The following IRAG2 variants were observed in gnomAD, a reference collection of about 807,000 sequenced individuals.
IRAG2 encodes inositol 1,4,5-triphosphate receptor associated 2.
In IRAG2, 45 loss-of-function variants were observed where a neutral mutation model predicts 69.9. The observed-to-expected ratio is 0.64, with a 90% CI of 0.51 to 0.83. The LOEUF (loss-of-function observed/expected upper bound fraction) is 0.83. Among genes scored for constraint, IRAG2 ranks in the 40% least tolerant of loss-of-function variants. The pLI, the probability that IRAG2 is intolerant of heterozygous loss-of-function variation, is 0.00. For synonymous variants in IRAG2, 193 were observed against 202.4 expected, an observed-to-expected ratio of 0.95 and a Z score of 0.40; for missense variants, 520 against 587.0, an observed-to-expected ratio of 0.89 and a Z score of 1.18.
At chr12:25,000,577 T>C (rs1474094835), upstream of IRAG2, among the ~76,000 whole-genome samples, 1 of 152,220 alleles carries the variant, frequency 6.6e-6, no homozygotes, top group African/African-American at 2.4e-5. Context: ...TGATCACACC[T>C]GTGAATAGCC....
At chr12:25,083,012 TTTG>T (rs1947330628) in intron 9 of IRAG2, among the ~76,000 whole-genome samples, 1 of 152,224 alleles carries the variant, frequency 6.6e-6, no homozygotes, top group South Asian at 2.1e-4. Flanking sequence ...TATCATATTT[TTTG>T]TTATCAGCCT....
chr12:25,050,535 AC>A (rs373984064), upstream of IRAG2, among the ~76,000 whole-genome samples: 67,553 of 120,594 alleles, frequency 0.56, 22,951 homozygotes, highest in Middle Eastern at 0.69. Flanking sequence ...CTCAAAAAAA[AC>A]AAACAAACAA....
chr12:25,018,789 A>G (rs770228532), intron 6 of IRAG2, among the ~76,000 whole-genome samples: 1 of 152,252 alleles, frequency 6.6e-6, no homozygotes. Context: ...CACATAATGG[A>G]CAGAAAGGCT....
intron 6 of IRAG2, 100 bp downstream of exon 6, chr12:25,069,531 A>G (rs1946191018): frequency 5.7e-6 from 6 of 1,053,800 alleles, no homozygotes; most frequent in Middle Eastern, 2.3e-4. Context: ...TTTTTTAAGT[A>G]TTATGGATAT....
chr12:25,041,042 A>G (rs1428164032), intron 16 of IRAG2, among the ~76,000 whole-genome samples: 1 of 152,206 alleles, frequency 6.6e-6, no homozygotes, highest in Non-Finnish European at 1.5e-5. Context: ...GGAGTGATGA[A>G]TTGAGTAGAG....
intron 4 of IRAG2, among the ~76,000 whole-genome samples, chr12:25,064,958 T>C (rs980424563): frequency 2.0e-5 from 3 of 152,008 alleles, no homozygotes; most frequent in Non-Finnish European, 4.4e-5. Flanking sequence ...GGCATGGTGG[T>C]GCACACCTGT....
At chr12:25,044,380 A>T (rs578208856) in intron 16 of IRAG2, among the ~76,000 whole-genome samples, 58 of 152,194 alleles carry the variant, frequency 3.8e-4, no homozygotes, top group African/African-American at 1.3e-3. Context: ...TACAAGACAG[A>T]CAGAAAAATA....
chr12:25,052,651 A>G (rs1944912773), upstream of IRAG2: 1 of 397,516 alleles, frequency 2.5e-6, no homozygotes, highest in Admixed American at 4.4e-5. Flanking sequence ...CAAACACAGA[A>G]TTGCAGAAGT....
At chr12:25,073,278 G>C (rs1041996351) in intron 6 of IRAG2, among the ~76,000 whole-genome samples, 1 of 152,154 alleles carries the variant, frequency 6.6e-6, no homozygotes, top group Non-Finnish European at 1.5e-5. Flanking sequence ...AAAATTGCTG[G>C]ACAGTACCTT....
rs116036479 is a variant in IRAG2, at chr12:25,055,795, A to G, written c.-447+2839A>G. On this transcript the variant is annotated intron_variant, in intron 1 of 21. Transcript: ENST00000556887. ...ACAAAGGACATGAACTCATCTAAAA[A>G]GGAAATTTTTAAAAGCTTATAGGAT... Among the ~76,000 whole-genome samples the G allele has an allele frequency of 9.6e-3, 1,462 of 152,306 alleles. 33 individuals are homozygous for G. Among genetic ancestry groups the G allele is most frequent in the African/African-American group, 0.034 (1,410 of 41,554 alleles).
chr12:25,033,261 AT>A (rs1432014258), intron 12 of IRAG2, among the ~76,000 whole-genome samples: 4 of 151,990 alleles, frequency 2.6e-5, no homozygotes, highest in Non-Finnish European at 5.9e-5. Context: ...GGCCTAAGTA[AT>A]TGTTTTGAAT....
Position 25,090,216 on chromosome 12 carries a change from G to A in IRAG2, c.606+19G>A. The A allele has an allele frequency of 6.2e-7, 1 of 1,610,634 alleles. No homozygotes were observed. Among genetic ancestry groups the A allele is most frequent in the Non-Finnish European group, 8.5e-7 (1 of 1,177,946 alleles). ...ATTAGAGGTGAGAATCAGAACATTT[G>A]GGATATAAACATTTGGTCTAGCCAG... On this transcript the variant is annotated intron_variant, in intron 14 of 21. Transcript: ENST00000556887.
chr12:25,100,374 A>G (rs1461924966), intron 15 of IRAG2, among the ~76,000 whole-genome samples: 1 of 152,208 alleles, frequency 6.6e-6, no homozygotes, highest in Non-Finnish European at 1.5e-5. Context: ...CATATGACTC[A>G]GCAATTTCAT....
At position 25,106,947 on chromosome 12, in the gene IRAG2, A is replaced by G. The variant is rs139382874; in HGVS notation, c.1153A>G (p.Lys385Glu). 28 of 1,528,650 alleles carry G rather than the reference A, an allele frequency of 1.8e-5. No homozygotes were observed. Among genetic ancestry groups the G allele is most frequent in the Non-Finnish European group, 2.2e-5 (25 of 1,112,624 alleles). The allele number at this position is 1,528,650 out of a possible 1,614,324, so 94.7% of individuals were successfully genotyped here. Reference protein sequence around the residue: ...AEEEKCELKTKDDSEPSGEET... With the variant: ...AEEEKCELKTEDDSEPSGEET... Reference sequence around the variant, plus strand: ...AAAAACAACATTTATTTACAGAACTAAAGATGACTCAGAGCCATCTGGAGA... The same window carrying G: ...AAAAACAACATTTATTTACAGAACTGAAGATGACTCAGAGCCATCTGGAGA... Residue 385 changes from lysine (K) to glutamate (E), a missense_variant, in exon 21 of 22, where the codon AAA becomes GAA. Lys to Glu is a moderately conservative substitution (Grantham distance 56). Transcript: ENST00000556887.
At chr12:25,054,977 T>G (rs860875) in intron 1 of IRAG2, among the ~76,000 whole-genome samples, 140,074 of 152,284 alleles carry the variant, frequency 0.92, 65,445 homozygotes, top group East Asian at 1. Context: ...TGCTGTTTGA[T>G]TTCTGAGTCA....
chr12:25,020,779 C>T (rs577249392), intron 6 of IRAG2: 7 of 1,203,674 alleles, frequency 5.8e-6, no homozygotes, highest in African/African-American at 1.6e-5. Context: ...CTTCTCCCCC[C>T]ACCCCCACAG....
chr12:25,086,692 A>C (rs1947629132), intron 10 of IRAG2, among the ~76,000 whole-genome samples: 1 of 152,184 alleles, frequency 6.6e-6, no homozygotes, highest in South Asian at 2.1e-4. Flanking sequence ...CAGGGAAATC[A>C]AGGGGAAAAA....
intron 20 of IRAG2, among the ~76,000 whole-genome samples, chr12:25,105,944 C>G (rs1416828348): frequency 6.6e-6 from 1 of 152,084 alleles, no homozygotes; most frequent in Non-Finnish European, 1.5e-5. Context: ...AGGAACTCAT[C>G]AGCAAATATA....
At chr12:25,050,008 A>AAAAAAAAAAAC, upstream of IRAG2, among the ~76,000 whole-genome samples, 1 of 141,554 alleles carries the variant, frequency 7.1e-6, no homozygotes, top group East Asian at 2.3e-4. Flanking sequence ...AAAAAAAAAA[A>AAAAAAAAAAAC]GCTACTCGGG....
Sources: allele counts gnomAD v4.1 joint callset (sites outside exome capture counted in the v4.1 genomes callset), GRCh38; gene constraint gnomAD v4.1.1; transcripts MANE v1.5; gene names NCBI Gene and HGNC (gene_info 2026-07-23, HGNC 2026-07-21).